MACF1: variants seen among roughly 807,000 people sequenced by gnomAD.
MACF1 encodes the protein microtubule-actin cross-linking factor 1.
A neutral mutation model predicts 854.8 loss-of-function variants in MACF1; 193 were observed. That is an observed-to-expected ratio of 0.23 (90% CI 0.20 to 0.25). MACF1 has a LOEUF of 0.25. Among genes scored for constraint, MACF1 ranks in the 10% least tolerant of loss-of-function variants. MACF1 has a pLI of 1.00. For missense variants in MACF1, 7,722 were observed against 8,929.1 expected (o/e 0.86, Z 5.45); for synonymous variants, 3,185 against 3,226.7 (o/e 0.99, Z 0.44).
intron 2 of MACF1, among the ~76,000 whole-genome samples, chr1:39,127,358 TAATAA>T (rs956805360): frequency 2.0e-5 from 3 of 152,236 alleles, no homozygotes; most frequent in Admixed American, 2.0e-4. Flanking sequence ...AATGATTTAA[TAATAA>T]TATAATAGTG....
chr1:39,278,406 C>A (rs567093643), intron 6 of MACF1, among the ~76,000 whole-genome samples: 5 of 152,162 alleles, frequency 3.3e-5, no homozygotes, highest in South Asian at 4.2e-4. Flanking sequence ...CTCATTACAA[C>A]TATGTTTAAA....
chr1:39,123,455 G>C (rs1308095458), intron 2 of MACF1, among the ~76,000 whole-genome samples: 1 of 151,642 alleles, frequency 6.6e-6, no homozygotes, highest in African/African-American at 2.4e-5. Context: ...TGATCCACCC[G>C]CCTCGGCATC....
At chr1:39,372,722 A>C (rs1649354381) in intron 52 of MACF1, 126 bp downstream of exon 52, 3 of 710,806 alleles carry the variant, frequency 4.2e-6, no homozygotes, top group Non-Finnish European at 7.4e-6. Context: ...GCATGCCCAA[A>C]GCAGTCTTCC....
rs546589303 is a variant in MACF1 at position 39,425,303 on chromosome 1, A to C, written c.16316+1109A>C. On this transcript the variant is annotated intron_variant, in intron 61 of 100. Coordinates refer to ENST00000564288, the MANE Select transcript of MACF1 (RefSeq NM_001394062.1). The stretch of plus-strand genomic sequence containing the variant: ...TTACGAGCTCTCACTAGGTGTATAG[A>C]GATAGCTTCTTCACTAATCACTCTA... 2.0e-5 allele frequency among the ~76,000 whole-genome samples: 3 copies of C among 152,192 alleles called. No homozygotes were observed. The East Asian group carries it at 5.8e-4, about 29-fold the overall frequency.
At chr1:39,170,365 G>A (rs1020135405) in intron 2 of MACF1, among the ~76,000 whole-genome samples, 5 of 152,168 alleles carry the variant, frequency 3.3e-5, no homozygotes, top group Non-Finnish European at 4.4e-5. Flanking sequence ...CTTATAAAAT[G>A]TGGTGACCAA....
At chr1:39,327,808 C>T (rs991550301) in intron 36 of MACF1, among the ~76,000 whole-genome samples, 5 of 152,142 alleles carry the variant, frequency 3.3e-5, no homozygotes, top group African/African-American at 1.2e-4. Context: ...AGAGTAGTTT[C>T]ACTGACTAAG....
intron 52 of MACF1, among the ~76,000 whole-genome samples, chr1:39,378,100 G>A (rs1209872796): frequency 6.6e-6 from 1 of 151,936 alleles, no homozygotes; most frequent in Admixed American, 6.6e-5. Flanking sequence ...AAACTTTCTG[G>A]CTTTATTATA....
intron 2 of MACF1, among the ~76,000 whole-genome samples, chr1:39,244,403 TCCTAAGTAGCTG>T (rs1388295007): frequency 6.6e-6 from 1 of 152,126 alleles, no homozygotes; most frequent in Non-Finnish European, 1.5e-5. Flanking sequence ...TGCCTTAGCC[TCCTAAGTAGCTG>T]GGATTACAGG....
intron 26 of MACF1, among the ~76,000 whole-genome samples, chr1:39,315,123 C>T (rs1194008817): frequency 2.0e-5 from 3 of 152,136 alleles, no homozygotes; most frequent in Non-Finnish European, 4.4e-5. Flanking sequence ...TCCCCTTTGC[C>T]TTCCTTCGAT....
intron 17 of MACF1, 36 bp downstream of exon 17, chr1:39,292,879 A>G: frequency 6.5e-7 from 1 of 1,549,672 alleles, no homozygotes; most frequent in Non-Finnish European, 8.9e-7. Context: ...TTCTGCTCAT[A>G]GAGTCTGGTT....
intron 2 of MACF1, among the ~76,000 whole-genome samples, chr1:39,190,509 T>C (rs75925944): frequency 0.017 from 2,527 of 150,574 alleles, 52 homozygotes; most frequent in African/African-American, 0.043. Context: ...AGCTAACTTA[T>C]TGTATTTTTT....
intron 72 of MACF1, 72 bp downstream of exon 72, chr1:39,439,572 A>T: frequency 8.0e-7 from 1 of 1,251,654 alleles, no homozygotes; most frequent in South Asian, 1.3e-5. Flanking sequence ...AATCAAAGTG[A>T]GGTATGTTAA....
chr1:39,127,776 A>G (rs1282937996), intron 2 of MACF1, among the ~76,000 whole-genome samples: 1 of 152,158 alleles, frequency 6.6e-6, no homozygotes, highest in Admixed American at 6.5e-5. Flanking sequence ...ATGTGAAGTC[A>G]GTTCACATTT....
chr1:39,121,377 G>A (rs909573620), intron 2 of MACF1, among the ~76,000 whole-genome samples: 2 of 152,160 alleles, frequency 1.3e-5, no homozygotes, highest in African/African-American at 4.8e-5. Context: ...AGGGGTGGGG[G>A]AAGCAAAAGG....
intron 58 of MACF1, 107 bp from the exon 59 acceptor site, chr1:39,422,267 G>T (rs894971992): frequency 5.0e-6 from 4 of 795,782 alleles, no homozygotes; most frequent in African/African-American, 1.7e-5. Flanking sequence ...TTTATTCCTG[G>T]TCGTCTTTCA....
chr1:39,261,154 A>AT (rs1256148433), intron 6 of MACF1, among the ~76,000 whole-genome samples: 1 of 152,168 alleles, frequency 6.6e-6, no homozygotes, highest in African/African-American at 2.4e-5. Flanking sequence ...CCAAAGGGAA[A>AT]TTTTAAAAAG....
intron 49 of MACF1, among the ~76,000 whole-genome samples, chr1:39,362,897 T>C (rs1353081278): frequency 2.0e-5 from 3 of 152,236 alleles, no homozygotes; most frequent in African/African-American, 7.2e-5. Flanking sequence ...CATAGGAATC[T>C]TCCTCCTTTC....
At chr1:39,262,124 G>A (rs1645169441) in intron 6 of MACF1, among the ~76,000 whole-genome samples, 1 of 152,140 alleles carries the variant, frequency 6.6e-6, no homozygotes, top group South Asian at 2.1e-4. Flanking sequence ...ATACACGGCT[G>A]AGTGCAATGG....
At position 39,316,429 on chromosome 1, in the gene MACF1, A is replaced by G. The variant is rs771014791; in HGVS notation, c.3488A>G (p.Asp1163Gly). 1.9e-6 allele frequency: 3 copies of G among 1,614,028 alleles called. No individual in the cohort carries two copies. The highest frequency in any genetic ancestry group is 3.3e-5 in the Admixed American group (2 of 60,024). The stretch of plus-strand genomic sequence containing the variant: ...GATGTTATAGTACGTAGCATACAGG[A>G]TGCTGAACTCTTGGTCAAAGGTTAT... ...TVDVIVRSIQ[D>G]AELLVKGYEI... Residue 1163 changes from aspartate (D) to glycine (G), a missense_variant, in exon 28 of 101, where the codon GAT becomes GGT. Asp to Gly is a moderately conservative substitution (Grantham distance 94, BLOSUM62 -1). Around this residue, in one of 15 missense-constraint regions of MACF1, gnomAD observed 1,137 missense variants for 1,263.0 expected, o/e 0.90. Transcript: ENST00000564288.
Sources: gnomAD v4.1 joint callset for allele counts (sites outside exome capture counted in the v4.1 genomes callset) on GRCh38, gnomAD v4.1.1 for gene constraint, gnomAD v4.1.1 regional missense constraint, MANE v1.5 for transcripts, NCBI Gene and HGNC (gene_info 2026-07-23, HGNC 2026-07-21) for gene names.